Variants in NUP98 observed in about 807,000 individuals in gnomAD.
NUP98 encodes nuclear pore complex protein Nup98-Nup96.
A neutral mutation model predicts 191.9 loss-of-function variants in NUP98; 26 were observed. That is an observed-to-expected ratio of 0.14 (90% CI 0.10 to 0.19). The LOEUF is 0.19. Among genes scored for constraint, NUP98 ranks in the 10% least tolerant of loss-of-function variants. The probability of loss-of-function intolerance (pLI) is 1.00; values close to 1 mark genes in which losing one functional copy is unlikely to be tolerated. For synonymous variants in NUP98, 808 were observed against 778.4 expected (o/e 1.04, Z -0.63); for missense variants, 1,941 against 2,178.8 (o/e 0.89, Z 2.17).
At position 3,683,498 on chromosome 11, in the gene NUP98, C is replaced by T; in HGVS notation, c.4677-57G>A. 15 of 1,598,368 alleles carry T rather than the reference C, an allele frequency of 9.4e-6. No individual in the cohort carries two copies. In the South Asian group the frequency reaches 1.5e-4, roughly 16 times the overall value. On this transcript the variant is annotated intron_variant, in intron 29 of 32. Coordinates refer to ENST00000324932, the MANE Select transcript of NUP98 (RefSeq NM_016320.5). ...ATCCTCATTCATGGAGAAGGCTGCC[C>T]CAGGCAGCTTAGAGTGGCCCTTGGG...
intron 14 of NUP98, among the ~76,000 whole-genome samples, chr11:3,726,515 C>T (rs578107072): frequency 6.8e-6 from 1 of 146,662 alleles, no homozygotes; most frequent in East Asian, 2.0e-4. Flanking sequence ...CCTATAGACG[C>T]CACTGACATT....
At position 3,746,913 on chromosome 11, in the gene NUP98, C is replaced by CAA. The variant is rs200628434; in HGVS notation, c.1268-2266_1268-2265dup. 5.6e-4 allele frequency among the ~76,000 whole-genome samples: 51 copies of CAA among 90,940 alleles called. 1 individual carries two copies. The highest frequency in any genetic ancestry group is 3.8e-3 in the East Asian group (11 of 2,916). 59.7% of individuals were successfully genotyped at this position (90,940 alleles called of 152,430 possible). On this transcript the variant is annotated intron_variant, in intron 11 of 32. Coordinates refer to ENST00000324932, the MANE Select transcript of NUP98 (RefSeq NM_016320.5). ...GGGCAAGAAGAGCAAAACGCAGTCT[C>CAA]AAAAAAAAAAAAAAAAAGTACTGTG...
intron 8 of NUP98, among the ~76,000 whole-genome samples, chr11:3,764,476 C>A (rs190040528): frequency 6.6e-6 from 1 of 152,190 alleles, no homozygotes; most frequent in South Asian, 2.1e-4. Flanking sequence ...TGGGTCATAT[C>A]GTAACTCTGT....
At chr11:3,753,869 G>T (rs1358583852) in intron 10 of NUP98, among the ~76,000 whole-genome samples, 2 of 149,774 alleles carry the variant, frequency 1.3e-5, no homozygotes, top group Non-Finnish European at 3.0e-5. Flanking sequence ...AACCCAGGAG[G>T]CAAAGGTTGC....
At chr11:3,699,544 A>G (rs1014540401) in intron 24 of NUP98, among the ~76,000 whole-genome samples, 196 bp from the exon 25 acceptor site, 3 of 152,218 alleles carry the variant, frequency 2.0e-5, no homozygotes, top group Non-Finnish European at 4.4e-5. Flanking sequence ...TAGTATAAAT[A>G]AATGCTTGCT....
intron 22 of NUP98, 46 bp downstream of exon 22, chr11:3,705,154 G>A (rs1253333364): frequency 6.3e-7 from 1 of 1,588,840 alleles, no homozygotes. Flanking sequence ...AGCAGGACTT[G>A]ATGACTGTAC....
chr11:3,705,152 T>G (rs770358859), intron 22 of NUP98, 48 bp downstream of exon 22: 8 of 1,586,656 alleles, frequency 5.0e-6, no homozygotes, highest in Non-Finnish European at 6.9e-6. Context: ...AAAGCAGGAC[T>G]TGATGACTGT....
chr11:3,677,239 T>C (rs1446771926), intron 31 of NUP98, among the ~76,000 whole-genome samples: 1 of 151,728 alleles, frequency 6.6e-6, no homozygotes, highest in African/African-American at 2.4e-5. Flanking sequence ...TTTAAGGAGG[T>C]CATATTTAAA....
intron 5 of NUP98, among the ~76,000 whole-genome samples, chr11:3,774,072 C>T (rs1226316500): frequency 6.6e-6 from 1 of 152,020 alleles, no homozygotes; most frequent in Non-Finnish European, 1.5e-5. Flanking sequence ...TATCTAAGTT[C>T]TCCTTTCTAC....
intron 14 of NUP98, among the ~76,000 whole-genome samples, chr11:3,730,958 A>G (rs1319922828): frequency 6.6e-6 from 1 of 152,076 alleles, no homozygotes; most frequent in African/African-American, 2.4e-5. Context: ...GATGTTCTGT[A>G]TTTTTCAAAT....
Position 3,712,478 on chromosome 11 carries a change from T to C in NUP98, c.2742+86A>G, listed in dbSNP as rs116034442. 1,193 of 1,577,602 alleles carry C rather than the reference T, an allele frequency of 7.6e-4. 12 individuals carry two copies. In the African/African-American group the frequency reaches 0.015, roughly 20 times the overall value. The stretch of plus-strand genomic sequence containing the variant: ...GTACTCTTCAAAGTTCCAAGGGTCA[T>C]AAAACAGCTTTGTATTAGCTGAATG... On this transcript the variant is annotated intron_variant, in intron 20 of 32. Coordinates refer to ENST00000324932, the MANE Select transcript of NUP98 (RefSeq NM_016320.5).
intron 22 of NUP98, among the ~76,000 whole-genome samples, chr11:3,703,149 T>C (rs1051129458): frequency 2.0e-5 from 3 of 152,150 alleles, no homozygotes; most frequent in Admixed American, 6.6e-5. Flanking sequence ...ATTAATATTA[T>C]TTAAAAATAT....
chr11:3,684,766 C>CAAAAAAA lies in NUP98; in HGVS notation c.4676+1200_4676+1206dup, dbSNP rs71041370. ...AAACTAATGTTATGCTTTCACAGGC[C>CAAAAAAA]AAAAAAAAAAAAAAAAAAAAAAAAA... On this transcript the variant is annotated intron_variant, in intron 29 of 32. Transcript: ENST00000324932. Among the ~76,000 whole-genome samples, 31 of 101,808 alleles carry CAAAAAAA rather than the reference C, an allele frequency of 3.0e-4. 2 individuals carry two copies. Among genetic ancestry groups the CAAAAAAA allele is most frequent in the African/African-American group, 8.5e-4 (22 of 25,904 alleles). The allele number at this position is 101,808 out of a possible 152,430, so 66.8% of individuals were successfully genotyped here. A position where few individuals can be genotyped will look rare whatever the true frequency, so the allele number is the denominator to read the frequency against.
intron 9 of NUP98, among the ~76,000 whole-genome samples, chr11:3,761,196 G>C (rs371605001): frequency 6.6e-6 from 1 of 152,110 alleles, no homozygotes; most frequent in African/African-American, 2.4e-5. Flanking sequence ...ATTTCTTTTT[G>C]GCATAATGAG....
chr11:3,721,131 A>G (rs2079385400), intron 16 of NUP98: 1 of 170,854 alleles, frequency 5.9e-6, no homozygotes, highest in Non-Finnish European at 1.2e-5. Context: ...TTAACCACAG[A>G]ACATTATTTT....
At chr11:3,729,532 C>G (rs1292079975) in intron 14 of NUP98, among the ~76,000 whole-genome samples, 3 of 128,008 alleles carry the variant, frequency 2.3e-5, no homozygotes, top group Non-Finnish European at 4.9e-5. Context: ...CACAGAAAGA[C>G]CCTGTATCTC....
intron 11 of NUP98, among the ~76,000 whole-genome samples, chr11:3,752,619 G>A (rs969631370): frequency 1.1e-4 from 16 of 152,052 alleles, no homozygotes; most frequent in African/African-American, 3.1e-4. Context: ...ACTGGACAGT[G>A]GAAGCAGACT....
intron 15 of NUP98, 44 bp downstream of exon 15, chr11:3,725,059 T>C (rs368129334): frequency 4.7e-6 from 4 of 857,566 alleles, no homozygotes; most frequent in East Asian, 2.4e-5. Context: ...AAAATGAGAC[T>C]ATAACTCTCT....
chr11:3,691,188 G>A (rs2078300311), intron 28 of NUP98, among the ~76,000 whole-genome samples, 159 bp downstream of exon 28: 1 of 152,138 alleles, frequency 6.6e-6, no homozygotes, highest in African/African-American at 2.4e-5. Context: ...TCTAATTCTA[G>A]TTCTAATGCT....
Sources: allele counts gnomAD v4.1 joint callset (sites outside exome capture counted in the v4.1 genomes callset), GRCh38; gene constraint gnomAD v4.1.1; transcripts MANE v1.5; gene names NCBI Gene and HGNC (gene_info 2026-07-23, HGNC 2026-07-21).